Variants in CASD1 observed in about 807,000 individuals in gnomAD.
The protein encoded by CASD1 is N-acetylneuraminate (7)9-O-acetyltransferase.
In CASD1, 41 loss-of-function variants were observed where a neutral mutation model predicts 100.0. The observed-to-expected ratio is 0.41, with a 90% CI of 0.32 to 0.53. The LOEUF (loss-of-function observed/expected upper bound fraction) is 0.53. Among genes scored for constraint, CASD1 ranks in the 20% least tolerant of loss-of-function variants. The probability of loss-of-function intolerance (pLI) is 0.25; values close to 1 mark genes in which losing one functional copy is unlikely to be tolerated. For missense variants in CASD1, 774 were observed against 948.7 expected, an observed-to-expected ratio of 0.82 and a Z score of 2.42; for synonymous variants, 321 against 315.6, an observed-to-expected ratio of 1.02 and a Z score of -0.18.
the CASD1 span, chr7:94,587,057 T>G: frequency 1.0e-6 from 1 of 984,874 alleles, no homozygotes; most frequent in Non-Finnish European, 1.2e-6. Flanking sequence ...AAAGCTTTCT[T>G]GACTCAAGCA....
At chr7:94,558,566 C>G (rs1428411353), downstream of CASD1, among the ~76,000 whole-genome samples, 3 of 152,136 alleles carry the variant, frequency 2.0e-5, no homozygotes, top group African/African-American at 7.2e-5. Flanking sequence ...GAATATTTCT[C>G]TGCAAAGACA....
intron 12 of CASD1, 42 bp downstream of exon 12, chr7:94,545,743 CA>C (rs1286248896): frequency 7.4e-7 from 1 of 1,350,690 alleles, no homozygotes; most frequent in Admixed American, 2.3e-5. Context: ...TATATTTTTT[CA>C]ACGTGTGAAA....
rs1793600728 is a variant in CASD1, at chr7:94,509,920, G to A, written c.-165G>A. The A allele has an allele frequency of 3.5e-6, 4 of 1,140,262 alleles. No individual in the cohort carries two copies. Among genetic ancestry groups the A allele is most frequent in the South Asian group, 8.8e-5 (2 of 22,780 alleles). 70.6% of individuals were successfully genotyped at this position (1,140,262 alleles called of 1,614,324 possible). A position where few individuals can be genotyped will look rare whatever the true frequency, so the allele number is the denominator to read the frequency against. ...CGAGGAGGGGCAGGCGGAGGTCGGGGGCGCCGCGGCCGCGGGGTCAGGTTC... is the reference window on the plus strand; with the variant it reads ...CGAGGAGGGGCAGGCGGAGGTCGGGAGCGCCGCGGCCGCGGGGTCAGGTTC... On this transcript the variant is annotated 5_prime_UTR_variant, in exon 1 of 18. Coordinates refer to ENST00000297273, the MANE Select transcript of CASD1 (RefSeq NM_022900.5).
At chr7:94,573,552 G>T in the CASD1 span, among the ~76,000 whole-genome samples, 1 of 152,184 alleles carries the variant, frequency 6.6e-6, no homozygotes, top group Non-Finnish European at 1.5e-5. Context: ...GTATAGAAAT[G>T]CTAGTGATTT....
the CASD1 span, among the ~76,000 whole-genome samples, chr7:94,612,860 A>G: frequency 6.6e-6 from 1 of 152,224 alleles, no homozygotes; most frequent in Admixed American, 6.5e-5. Context: ...CTCAAGCACC[A>G]TCTCTTTGAC....
chr7:94,547,201 T>G, intron 13 of CASD1, 26 bp downstream of exon 13: 1 of 1,462,826 alleles, frequency 6.8e-7, no homozygotes. Context: ...TCAGTTTATA[T>G]TTTTTCATAT....
intron 1 of CASD1, among the ~76,000 whole-genome samples, chr7:94,516,484 C>T (rs1793983123): frequency 6.6e-6 from 1 of 152,118 alleles, no homozygotes; most frequent in East Asian, 1.9e-4. Flanking sequence ...CTGCAGTATT[C>T]TTCCTCCCAG....
intron 1 of CASD1, among the ~76,000 whole-genome samples, chr7:94,515,060 A>G (rs1017683010): frequency 1.3e-5 from 2 of 152,086 alleles, no homozygotes; most frequent in South Asian, 2.1e-4. Context: ...TAATAGTAGT[A>G]GTAATTTATT....
At chr7:94,550,117 A>C (rs555845793) in intron 14 of CASD1, among the ~76,000 whole-genome samples, 2 of 152,270 alleles carry the variant, frequency 1.3e-5, no homozygotes, top group East Asian at 3.9e-4. Flanking sequence ...GAAGTGTGCA[A>C]AGAAGAAAGA....
At chr7:94,577,444 G>A in the CASD1 span, among the ~76,000 whole-genome samples, 7,616 of 152,230 alleles carry the variant, frequency 0.05, 620 homozygotes, top group African/African-American at 0.17. Flanking sequence ...ATGCCTTTGC[G>A]AAGGAGTTCT....
chr7:94,518,683 A>T (rs1033184624), intron 3 of CASD1, among the ~76,000 whole-genome samples: 3 of 151,978 alleles, frequency 2.0e-5, no homozygotes, highest in Non-Finnish European at 4.4e-5. Context: ...CTCTTTTTTT[A>T]AAAAAACATA....
In CASD1 at chr7:94,554,537, A is replaced by C. The variant is rs1427277854; in HGVS notation, c.2089A>C (p.Ser697Arg). The C allele has an allele frequency of 6.2e-7, 1 of 1,612,428 alleles. No homozygotes were observed. The highest frequency in any genetic ancestry group is 8.5e-7 in the Non-Finnish European group (1 of 1,178,958). ...CCCTGGATATGCCCGTTCAGTTTACAGTTCATTTTTTGCTTGGTTTGGAAA... is the reference window on the plus strand; with the variant it reads ...CCCTGGATATGCCCGTTCAGTTTACCGTTCATTTTTTGCTTGGTTTGGAAA... The part of the protein sequence containing the change: ...NIPGYARSVY[S>R]SFFAWFGKIS... Residue 697 changes from serine (S) to arginine (R), a missense_variant, in exon 17 of 18, where the codon AGT (serine) becomes CGT (arginine). This residue lies in a region of CASD1 where 175 missense variants were observed against 206.9 expected (regional missense o/e 0.85). Coordinates refer to ENST00000297273, the MANE Select transcript of CASD1 (RefSeq NM_022900.5).
intron 1 of CASD1, 28 bp downstream of exon 1, chr7:94,510,245 C>T (rs1347761613): frequency 2.1e-6 from 3 of 1,440,882 alleles, no homozygotes; most frequent in East Asian, 3.0e-5. Flanking sequence ...TCTGCCCGGG[C>T]AGGCCGTGGG....
intron 10 of CASD1, among the ~76,000 whole-genome samples, chr7:94,542,508 G>C (rs1346791336): frequency 6.6e-6 from 1 of 152,112 alleles, no homozygotes; most frequent in Non-Finnish European, 1.5e-5. Context: ...AATTTCACCT[G>C]TTTCTTTTAA....
At chr7:94,579,633 C>T in the CASD1 span, among the ~76,000 whole-genome samples, 15 of 152,252 alleles carry the variant, frequency 9.9e-5, no homozygotes, top group Non-Finnish European at 1.5e-4. Context: ...TGTACCTTAT[C>T]TTTTTTGCTA....
chr7:94,510,538 ACG>A (rs2116144010), intron 1 of CASD1, among the ~76,000 whole-genome samples: 1 of 152,178 alleles, frequency 6.6e-6, no homozygotes, highest in South Asian at 2.1e-4. Context: ...GTTCGGGGAG[ACG>A]CTCCAGATCA....
At chr7:94,552,463 A>T (rs1345288553) in intron 16 of CASD1, 36 bp downstream of exon 16, 1 of 1,487,910 alleles carries the variant, frequency 6.7e-7, no homozygotes, top group Non-Finnish European at 9.2e-7. Flanking sequence ...CTACATCTTA[A>T]TTCTTGATAA....
chr7:94,585,469 A>G, the CASD1 span: 2 of 1,596,414 alleles, frequency 1.3e-6, no homozygotes, highest in Non-Finnish European at 1.7e-6. Flanking sequence ...GTCTGATTAT[A>G]AATTCATTGC....
chr7:94,537,517 C>T lies in CASD1; in HGVS notation c.889C>T (p.Pro297Ser). Residue 297 changes from proline to serine, a missense_variant, in exon 9 of 18, where the codon CCT (proline) becomes TCT (serine). Around this residue, in one of 5 missense-constraint regions of CASD1, gnomAD observed 453 missense variants for 532.6 expected, o/e 0.85. Coordinates refer to ENST00000297273, the MANE Select transcript of CASD1 (RefSeq NM_022900.5). ...MNVYCNKILK[P>S]VDGSCCQPRP... Reference sequence around the variant, plus strand: ...TGTGTATTGCAATAAGATTTTGAAGCCTGTAGATGGGTCCTGTTGTCAACC... The same window carrying T: ...TGTGTATTGCAATAAGATTTTGAAGTCTGTAGATGGGTCCTGTTGTCAACC... The T allele has an allele frequency of 6.2e-7, 1 of 1,612,430 alleles. No homozygotes were observed. The highest frequency in any genetic ancestry group is 8.5e-7 in the Non-Finnish European group (1 of 1,179,496).
Sources: gnomAD v4.1 joint callset for allele counts (sites outside exome capture counted in the v4.1 genomes callset) on GRCh38, gnomAD v4.1.1 for gene constraint, gnomAD v4.1.1 regional missense constraint, MANE v1.5 for transcripts, NCBI Gene and HGNC (gene_info 2026-07-23, HGNC 2026-07-21) for gene names.